BBS9: variants seen among roughly 807,000 people sequenced by gnomAD.
BBS9 encodes protein PTHB1.
Under a neutral mutation model 117.7 loss-of-function variants are expected in BBS9, and 89 were observed. The observed-to-expected ratio is 0.76, with a 90% CI of 0.64 to 0.90. BBS9 has a LOEUF of 0.90. Among genes scored for constraint, BBS9 ranks in the 40% least tolerant of loss-of-function variants. BBS9 has a pLI of 0.00. For missense variants in BBS9, 982 were observed against 1,042.2 expected, an observed-to-expected ratio of 0.94 and a Z score of 0.80; for synonymous variants, 379 against 370.9, an observed-to-expected ratio of 1.02 and a Z score of -0.25.
intron 9 of BBS9, among the ~76,000 whole-genome samples, chr7:33,328,616 C>G (rs1472581314): frequency 6.6e-6 from 1 of 152,102 alleles, no homozygotes; most frequent in African/African-American, 2.4e-5. Flanking sequence ...TTAAGATTTC[C>G]TTGGTATCTA....
intron 19 of BBS9, among the ~76,000 whole-genome samples, chr7:33,395,694 G>A (rs960213795): frequency 1.3e-5 from 2 of 152,170 alleles, no homozygotes; most frequent in East Asian, 3.9e-4. Context: ...TACTTTTTCT[G>A]TACTTTAAAC....
At chr7:33,315,833 G>C (rs976407639) in intron 9 of BBS9, among the ~76,000 whole-genome samples, 5 of 152,096 alleles carry the variant, frequency 3.3e-5, no homozygotes, top group African/African-American at 1.2e-4. Flanking sequence ...TTATGGAAAA[G>C]TTCAAATGCA....
At chr7:33,259,255 A>G (rs1227791681) in intron 6 of BBS9, among the ~76,000 whole-genome samples, 1 of 152,206 alleles carries the variant, frequency 6.6e-6, no homozygotes, top group Non-Finnish European at 1.5e-5. Flanking sequence ...CATTTTTGAT[A>G]TTGATACCTT....
intron 16 of BBS9, among the ~76,000 whole-genome samples, chr7:33,365,699 G>A (rs1393926319): frequency 6.6e-6 from 1 of 152,206 alleles, no homozygotes; most frequent in Non-Finnish European, 1.5e-5. Context: ...AGGGACTTTG[G>A]TTCTGGGCTT....
At chr7:33,236,526 T>G (rs1271469660) in intron 5 of BBS9, among the ~76,000 whole-genome samples, 1 of 151,800 alleles carries the variant, frequency 6.6e-6, no homozygotes, top group Non-Finnish European at 1.5e-5. Flanking sequence ...CAATATACTA[T>G]GCCTGTCTTT....
At chr7:33,521,960 T>A (rs1848681444) in intron 20 of BBS9, among the ~76,000 whole-genome samples, 1 of 141,304 alleles carries the variant, frequency 7.1e-6, no homozygotes, top group Non-Finnish European at 1.5e-5. Context: ...TGTGATCTCA[T>A]TGTTCAGTTC....
At chr7:33,561,434 T>C (rs1240411692) in intron 21 of BBS9, among the ~76,000 whole-genome samples, 3 of 152,234 alleles carry the variant, frequency 2.0e-5, no homozygotes, top group Non-Finnish European at 4.4e-5. Context: ...GGGAACAGTT[T>C]TCTCTTTTCC....
At chr7:33,588,220 T>C (rs1322874061) in intron 21 of BBS9, among the ~76,000 whole-genome samples, 1 of 152,130 alleles carries the variant, frequency 6.6e-6, no homozygotes, top group Non-Finnish European at 1.5e-5. Context: ...GAAATTCATT[T>C]CCTAAAGATT....
rs192080470 is a variant in BBS9, at chr7:33,333,476, A to G, written c.1017-2965A>G. ...GTTGATGGGCACTTAGGTTGGTTTC[A>G]TATCTTTGCAAATGACATGAATAGA... On this transcript the variant is annotated intron_variant, in intron 9 of 22. Coordinates refer to ENST00000242067, the MANE Select transcript of BBS9 (RefSeq NM_198428.3). 2.0e-4 allele frequency among the ~76,000 whole-genome samples: 30 copies of G among 152,272 alleles called. No individual in the cohort carries two copies. In the East Asian group the frequency reaches 5.0e-3, roughly 25 times the overall value.
chr7:33,507,942 T>C (rs1396324369), intron 20 of BBS9, among the ~76,000 whole-genome samples: 1 of 152,248 alleles, frequency 6.6e-6, no homozygotes, highest in Non-Finnish European at 1.5e-5. Flanking sequence ...TGCTATTTTA[T>C]GTTCTAAGTA....
intron 4 of BBS9, among the ~76,000 whole-genome samples, chr7:33,173,303 G>A (rs936127878): frequency 3.9e-5 from 6 of 151,982 alleles, no homozygotes; most frequent in Non-Finnish European, 8.8e-5. Flanking sequence ...AAATTTGGCC[G>A]AGTGCAGTGG....
rs182792846 is a variant in BBS9, at chr7:33,208,395, C to G, written c.442+30804C>G. Among the ~76,000 whole-genome samples the G allele has an allele frequency of 8.7e-4, 133 of 152,330 alleles. 1 individual carries two copies. Among genetic ancestry groups the G allele is most frequent in the Admixed American group, 7.8e-3 (119 of 15,308 alleles). ...TTCGTGTTCCCAGAGGCTGCTACTT[C>G]CAGTGCTGCACCCTTTCAAATTCCT... On this transcript the variant is annotated intron_variant, in intron 5 of 22. Coordinates refer to ENST00000242067, the MANE Select transcript of BBS9 (RefSeq NM_198428.3).
At chr7:33,424,366 A>T (rs1185572794) in intron 19 of BBS9, among the ~76,000 whole-genome samples, 1 of 152,146 alleles carries the variant, frequency 6.6e-6, no homozygotes, top group Non-Finnish European at 1.5e-5. Flanking sequence ...GTAGTTCTGA[A>T]ATTTGCTTTG....
intron 21 of BBS9, among the ~76,000 whole-genome samples, chr7:33,574,188 GA>G (rs911007737): frequency 2.0e-5 from 3 of 152,078 alleles, no homozygotes; most frequent in African/African-American, 7.2e-5. Flanking sequence ...CATGGAGTGG[GA>G]AAAACTTTTT....
rs182965178 is a variant in BBS9, at chr7:33,267,551, G to C, written c.702+3177G>C. ...TTGTTATTTTAGTGTTTGCTTTAGG[G>C]TTTCCAGTTTTTCTCTTTGACTTAA... On this transcript the variant is annotated intron_variant, in intron 7 of 22. Transcript: ENST00000242067. 3.7e-3 allele frequency among the ~76,000 whole-genome samples: 560 copies of C among 151,606 alleles called. 1 individual carries two copies. The highest frequency in any genetic ancestry group is 6.2e-3 in the Non-Finnish European group (423 of 67,904).
At position 33,532,585 on chromosome 7, in the gene BBS9, G is replaced by A. The variant is rs367775061; in HGVS notation, c.2299-1369G>A. On this transcript the variant is annotated intron_variant, in intron 20 of 22. Coordinates refer to ENST00000242067, the MANE Select transcript of BBS9 (RefSeq NM_198428.3). ...AGATCTCATGAAAACTCACTATCAC[G>A]AGAACAGCATGAGGGTAGCCACCTC... Among the ~76,000 whole-genome samples, 266 of 152,170 alleles carry A rather than the reference G, an allele frequency of 1.7e-3. 1 individual carries two copies. Among genetic ancestry groups the A allele is most frequent in the African/African-American group, 6.0e-3 (249 of 41,516 alleles).
intron 21 of BBS9, among the ~76,000 whole-genome samples, chr7:33,619,176 CT>C (rs1221104425): frequency 6.6e-6 from 1 of 152,024 alleles, no homozygotes; most frequent in Non-Finnish European, 1.5e-5. Flanking sequence ...TTCATGAAAA[CT>C]GTAGACAAAA....
intron 20 of BBS9, among the ~76,000 whole-genome samples, chr7:33,524,589 G>A (rs901730951): frequency 1.3e-5 from 2 of 152,028 alleles, no homozygotes; most frequent in Non-Finnish European, 2.9e-5. Context: ...TGGGATCGGT[G>A]GTGATATCCC....
At chr7:33,263,476 G>GA (rs1485210843) in intron 6 of BBS9, among the ~76,000 whole-genome samples, 1 of 152,034 alleles carries the variant, frequency 6.6e-6, no homozygotes, top group Non-Finnish European at 1.5e-5. Context: ...GAGAAATATA[G>GA]AAATTTCAAC....
Sources: gnomAD v4.1 joint callset for allele counts (sites outside exome capture counted in the v4.1 genomes callset) on GRCh38, gnomAD v4.1.1 for gene constraint, MANE v1.5 for transcripts, NCBI Gene and HGNC (gene_info 2026-07-23, HGNC 2026-07-21) for gene names.